The following EVX1 variants were observed in gnomAD, a reference collection of about 807,000 sequenced individuals.
The protein encoded by EVX1 is homeobox even-skipped homolog protein 1.
EVX1 carries 19 observed loss-of-function variants against 28.6 expected under a neutral mutation model. The ratio of observed to expected loss-of-function variants is 0.67; its 90% CI spans 0.46 to 0.98. EVX1 has a LOEUF of 0.98. Ranked by LOEUF, EVX1 falls within the 50% of genes least tolerant of loss-of-function variation. EVX1 has a pLI of 0.00. For synonymous variants in EVX1, 324 were observed against 278.2 expected, an observed-to-expected ratio of 1.16 and a Z score of -1.64; for missense variants, 660 against 583.0, an observed-to-expected ratio of 1.13 and a Z score of -1.36.
Position 27,246,209 on chromosome 7 carries a change from G to C in EVX1, c.1008G>C (p.Ala336=). Reference sequence around the variant, plus strand: ...ACCCGCCGCTCTACCCCGGGCCCGCGCACGGACTGGGCGCCTCTGCCGGCG... The same window carrying C: ...ACCCGCCGCTCTACCCCGGGCCCGCCCACGGACTGGGCGCCTCTGCCGGCG... ...FRHPPLYPGP[A]HGLGASAGGP... Residue 336 remains alanine (A), a synonymous_variant, in exon 3 of 3, where the codon GCG becomes GCC. Coordinates refer to ENST00000496902, the MANE Select transcript of EVX1 (RefSeq NM_001989.5). The C allele has an allele frequency of 6.7e-7, 1 of 1,499,784 alleles. No homozygotes were observed. The highest frequency in any genetic ancestry group is 8.8e-7 in the Non-Finnish European group (1 of 1,134,854). 92.9% of individuals were successfully genotyped at this position (1,499,784 alleles called of 1,614,324 possible).
In EVX1 at chr7:27,242,900, C is replaced by G. The variant is rs554748442; in HGVS notation, c.-131C>G. 6.5e-6 allele frequency: 7 copies of G among 1,073,056 alleles called. No individual in the cohort carries two copies. The African/African-American group carries it at 9.9e-5, about 15-fold the overall frequency. The allele number at this position is 1,073,056 out of a possible 1,614,324, so 66.5% of individuals were successfully genotyped here. On this transcript the variant is annotated 5_prime_UTR_variant, in exon 1 of 3. Transcript: ENST00000496902. ...GGTCCAGACCGCGCTCCAGCAGCTCCGCGCCCTCCCAGGCACCCGGCCTTT... is the reference window on the plus strand; with the variant it reads ...GGTCCAGACCGCGCTCCAGCAGCTCGGCGCCCTCCCAGGCACCCGGCCTTT...
rs777511332 is a variant in EVX1, at chr7:27,243,210, C to T, written c.180C>T (p.Arg60=). Residue 60 remains arginine (R), a synonymous_variant, in exon 1 of 3, where the codon CGC becomes CGT. Coordinates refer to ENST00000496902, the MANE Select transcript of EVX1 (RefSeq NM_001989.5). Reference sequence around the variant, plus strand: ...CCGTCCCTCCGGCCACCCGGGAGCGCGGCGGGGGAGGCCCGGAGGAGGAGC... The same window carrying T: ...CCGTCCCTCCGGCCACCCGGGAGCGTGGCGGGGGAGGCCCGGAGGAGGAGC... ...PRAVPPATRE[R]GGGGPEEEPV... The T allele has an allele frequency of 6.4e-7, 1 of 1,554,856 alleles. No individual in the cohort carries two copies. Among genetic ancestry groups the T allele is most frequent in the Admixed American group, 1.9e-5 (1 of 51,444 alleles).
In EVX1 at chr7:27,242,932, C is replaced by G. The variant is rs1783060743; in HGVS notation, c.-99C>G. 2.3e-6 allele frequency: 3 copies of G among 1,311,778 alleles called. No individual in the cohort carries two copies. The highest frequency in any genetic ancestry group is 2.4e-4 in the Middle Eastern group (1 of 4,252). 81.3% of individuals were successfully genotyped at this position (1,311,778 alleles called of 1,614,324 possible). On this transcript the variant is annotated 5_prime_UTR_variant, in exon 1 of 3. Coordinates refer to ENST00000496902, the MANE Select transcript of EVX1 (RefSeq NM_001989.5). ...TCCCAGGCACCCGGCCTTTCTTTCT[C>G]CCTCTTGCAACCAAGATCCGTCCGG... is the stretch of plus-strand genomic sequence containing the variant.
rs1783201563 is a variant in EVX1 at position 27,246,652 on chromosome 7, G to A, written c.*227G>A. 1.8e-6 allele frequency: 1 copy of A among 548,460 alleles called. No individual in the cohort carries two copies. 34.0% of individuals were successfully genotyped at this position (548,460 alleles called of 1,614,324 possible). On this transcript the variant is annotated 3_prime_UTR_variant, in exon 3 of 3. Coordinates refer to ENST00000496902, the MANE Select transcript of EVX1 (RefSeq NM_001989.5). ...GCAGGAGTGGGGATAGGGAAGCAGAGCTTGAGAGACCTTCCTCCGGGGCAG... is the reference window on the plus strand; with the variant it reads ...GCAGGAGTGGGGATAGGGAAGCAGAACTTGAGAGACCTTCCTCCGGGGCAG...
Position 27,246,699 on chromosome 7 carries a change from A to G in EVX1, c.*274A>G. The G allele has an allele frequency of 2.0e-6, 1 of 490,262 alleles. No homozygotes were observed. The highest frequency in any genetic ancestry group is 3.6e-6 in the Non-Finnish European group (1 of 280,712). The allele number at this position is 490,262 out of a possible 1,614,324, so 30.4% of individuals were successfully genotyped here. A position where few individuals can be genotyped will look rare whatever the true frequency, so the allele number is the denominator to read the frequency against. On this transcript the variant is annotated 3_prime_UTR_variant, in exon 3 of 3. Transcript: ENST00000496902. ...GCAGCCTCCGGACCCACCGCCCCCC[A>G]CCAGGGTCGAGGCTGTAGCTCCAAA... is the stretch of plus-strand genomic sequence containing the variant.
intron 1 of EVX1, chr7:27,244,518 G>A: frequency 1.0e-6 from 1 of 989,316 alleles, no homozygotes; most frequent in Middle Eastern, 2.8e-4. Flanking sequence ...CATATACTAA[G>A]GTAATAAATA....
At chr7:27,244,184 C>G (rs1472339962) in intron 1 of EVX1, among the ~76,000 whole-genome samples, 1 of 152,236 alleles carries the variant, frequency 6.6e-6, no homozygotes, top group Non-Finnish European at 1.5e-5. Flanking sequence ...AACTGGAGAA[C>G]CCCTCCCCAC....
intron 2 of EVX1, 21 bp downstream of exon 2, chr7:27,245,325 G>C (rs775414588): frequency 6.2e-7 from 1 of 1,612,248 alleles, no homozygotes; most frequent in Non-Finnish European, 8.5e-7. Flanking sequence ...TCCAGGCTGG[G>C]GAGGCGGGTG....
In EVX1 at chr7:27,242,959, C is replaced by A; in HGVS notation, c.-72C>A. 7.2e-7 allele frequency: 1 copy of A among 1,397,186 alleles called. No homozygotes were observed. The highest frequency in any genetic ancestry group is 9.4e-7 in the Non-Finnish European group (1 of 1,061,436). 86.5% of individuals were successfully genotyped at this position (1,397,186 alleles called of 1,614,324 possible). ...CTCTTGCAACCAAGATCCGTCCGGC[C>A]GCTGGAGACCCAGGGAGCCGGGGTT... is the stretch of plus-strand genomic sequence containing the variant. On this transcript the variant is annotated 5_prime_UTR_variant, in exon 1 of 3. Coordinates refer to ENST00000496902, the MANE Select transcript of EVX1 (RefSeq NM_001989.5).
chr7:27,244,267 A>G (rs928121167), intron 1 of EVX1, among the ~76,000 whole-genome samples: 3 of 150,468 alleles, frequency 2.0e-5, no homozygotes, highest in African/African-American at 7.4e-5. Context: ...CCTCCCCAGA[A>G]GGGGGTAGAA....
chr7:27,244,983 C>A, intron 1 of EVX1, 65 bp from the exon 2 acceptor site: 1 of 1,559,792 alleles, frequency 6.4e-7, no homozygotes, highest in Non-Finnish European at 8.7e-7. Context: ...AGGCCTACAG[C>A]CCCACTTCAA....
intron 1 of EVX1, 182 bp downstream of exon 1, chr7:27,243,639 G>A: frequency 1.6e-6 from 1 of 636,802 alleles, no homozygotes; most frequent in East Asian, 3.2e-5. Context: ...GCATTGGCGG[G>A]ACTGAGGGTG....
chr7:27,246,431 C>G lies in EVX1; in HGVS notation c.*6C>G. On this transcript the variant is annotated 3_prime_UTR_variant, in exon 3 of 3. Transcript: ENST00000496902. Reference sequence around the variant, plus strand: ...AGGTGCCCCTCACTAGATAAGGGGCCGCCGGCTGGCTGCCGGCTCCATGAC... The same window carrying G: ...AGGTGCCCCTCACTAGATAAGGGGCGGCCGGCTGGCTGCCGGCTCCATGAC... The G allele has an allele frequency of 2.5e-6, 4 of 1,588,604 alleles. No homozygotes were observed. The highest frequency in any genetic ancestry group is 3.4e-6 in the Non-Finnish European group (4 of 1,174,184).
At chr7:27,244,644 C>A in intron 1 of EVX1, 1 of 324,870 alleles carries the variant, frequency 3.1e-6, no homozygotes, top group Non-Finnish European at 4.9e-6. Flanking sequence ...TCTGAATGCC[C>A]AGCATACTAC....
At position 27,245,020 on chromosome 7, in the gene EVX1, A is replaced by G. The variant is rs756705338; in HGVS notation, c.428-28A>G. 2.5e-6 allele frequency: 4 copies of G among 1,599,954 alleles called. No homozygotes were observed. The East Asian group carries it at 8.9e-5, about 36-fold the overall frequency. On this transcript the variant is annotated intron_variant, in intron 1 of 2. Coordinates refer to ENST00000496902, the MANE Select transcript of EVX1 (RefSeq NM_001989.5). ...GGCGTTTGTGTGTCTGTGTCTGTAC[A>G]CGCCTGTGCTCTGGACTCGCTGTGC...
chr7:27,245,757 TCTA>T (rs1164319003), intron 2 of EVX1, 126 bp from the exon 3 acceptor site: 1 of 1,321,598 alleles, frequency 7.6e-7, no homozygotes, highest in Non-Finnish European at 1.0e-6. Flanking sequence ...GGGGTCGGTC[TCTA>T]CCCGGCTGGT....
rs1029952565 is a variant in EVX1 at position 27,247,586 on chromosome 7, C to T, written c.*1161C>T. On this transcript the variant is annotated 3_prime_UTR_variant, in exon 3 of 3. Transcript: ENST00000496902. ...CCCTTTTGGGGACCCTGTCTGTGGC[C>T]TCCACCAGGGTTTGTTTAGAGCCAC... 1 of 152,162 alleles carries T rather than the reference C, an allele frequency of 6.6e-6. No homozygotes were observed. Among genetic ancestry groups the T allele is most frequent in the African/African-American group, 2.4e-5 (1 of 41,434 alleles). 9.4% of individuals were successfully genotyped at this position (152,162 alleles called of 1,614,324 possible).
At chr7:27,244,774 G>T (rs919721633) in intron 1 of EVX1, among the ~76,000 whole-genome samples, 3 of 152,240 alleles carry the variant, frequency 2.0e-5, no homozygotes, top group Non-Finnish European at 4.4e-5. Context: ...CTCCAGGGCA[G>T]GTGGGAAGGG....
Position 27,246,020 on chromosome 7 carries a change from C to T in EVX1, c.819C>T (p.Phe273=). 1 of 1,598,884 alleles carries T rather than the reference C, an allele frequency of 6.3e-7. No individual in the cohort carries two copies. The highest frequency in any genetic ancestry group is 1.1e-5 in the South Asian group (1 of 91,026). ...CCGCGGGCGGCCTGCCCTACCCCTT[C>T]CCATCGCACCTGCCCCTGCCCTACT... ...AAAAGGLPYP[F]PSHLPLPYYS... is the part of the protein sequence containing the mutation. The change falls in exon 3 of 3, where the codon TTC becomes TTT. Residue 273 remains phenylalanine (F), a synonymous_variant. Transcript: ENST00000496902.
Sources: gnomAD v4.1 joint callset for allele counts (sites outside exome capture counted in the v4.1 genomes callset) on GRCh38, gnomAD v4.1.1 for gene constraint, MANE v1.5 for transcripts, NCBI Gene and HGNC (gene_info 2026-07-23, HGNC 2026-07-21) for gene names.